NDFIP2: variants seen among roughly 807,000 people sequenced by gnomAD.
NDFIP2 encodes NEDD4 family-interacting protein 2.
Under a neutral mutation model 36.0 loss-of-function variants are expected in NDFIP2, and 19 were observed. The ratio of observed to expected loss-of-function variants is 0.53; its 90% CI spans 0.37 to 0.77. The LOEUF (loss-of-function observed/expected upper bound fraction) is 0.77, where lower values mean the gene tolerates loss of function less well. NDFIP2 is among the 30% of genes least tolerant of loss of function. NDFIP2 has a pLI of 0.00. For missense variants in NDFIP2, 446 were observed against 435.8 expected (o/e 1.02, Z -0.21); for synonymous variants, 181 against 167.7 (o/e 1.08, Z -0.61).
chr13:79,531,610 C>T (rs934092628), intron 2 of NDFIP2, among the ~76,000 whole-genome samples: 2 of 152,210 alleles, frequency 1.3e-5, no homozygotes, highest in African/African-American at 2.4e-5. Context: ...TCATGTTGCA[C>T]TTTTATGAAG....
chr13:79,529,065 C>T (rs1874908961), intron 2 of NDFIP2, among the ~76,000 whole-genome samples: 1 of 152,146 alleles, frequency 6.6e-6, no homozygotes, highest in Non-Finnish European at 1.5e-5. Context: ...CTTGAATACT[C>T]TTCTATTTTA....
chr13:79,535,431 A>G (rs1188242053), intron 3 of NDFIP2, among the ~76,000 whole-genome samples: 2 of 152,248 alleles, frequency 1.3e-5, no homozygotes, highest in East Asian at 1.9e-4. Flanking sequence ...CCTCATTGTC[A>G]TCATTTCCAG....
At chr13:79,537,163 A>G (rs532377530) in intron 3 of NDFIP2, among the ~76,000 whole-genome samples, 1 of 152,158 alleles carries the variant, frequency 6.6e-6, no homozygotes, top group South Asian at 2.1e-4. Flanking sequence ...GCTGGAATGC[A>G]GTAGTGCAAT....
intron 2 of NDFIP2, among the ~76,000 whole-genome samples, chr13:79,528,976 T>C (rs908821870): frequency 6.6e-6 from 1 of 152,226 alleles, no homozygotes. Flanking sequence ...GGTCACTTTT[T>C]GGCTAGTTTT....
At chr13:79,546,832 G>A (rs1023871152) in intron 5 of NDFIP2, among the ~76,000 whole-genome samples, 1 of 151,858 alleles carries the variant, frequency 6.6e-6, no homozygotes, top group African/African-American at 2.4e-5. Flanking sequence ...ATTCTTTTTT[G>A]TTCTTACAGC....
chr13:79,550,685 A>G (rs990174382), intron 6 of NDFIP2, among the ~76,000 whole-genome samples: 1 of 151,546 alleles, frequency 6.6e-6, no homozygotes, highest in African/African-American at 2.4e-5. Context: ...CATGGGTTCA[A>G]TGGGGTTTTT....
At chr13:79,490,894 A>G (rs1873200217) in intron 1 of NDFIP2, among the ~76,000 whole-genome samples, 1 of 152,206 alleles carries the variant, frequency 6.6e-6, no homozygotes, top group Non-Finnish European at 1.5e-5. Flanking sequence ...AGTAGAAGAG[A>G]ATATAATACT....
intron 2 of NDFIP2, among the ~76,000 whole-genome samples, chr13:79,527,515 G>T (rs1305436851): frequency 6.6e-6 from 1 of 152,182 alleles, no homozygotes; most frequent in African/African-American, 2.4e-5. Flanking sequence ...CAGACTGCAT[G>T]TGTATACAAT....
At chr13:79,482,834 A>G (rs1443190149) in intron 1 of NDFIP2, among the ~76,000 whole-genome samples, 1 of 152,212 alleles carries the variant, frequency 6.6e-6, no homozygotes, top group African/African-American at 2.4e-5. Context: ...TTTCTCAACA[A>G]CTTGGGAAAT....
chr13:79,524,272 C>T (rs182332928), intron 2 of NDFIP2, among the ~76,000 whole-genome samples: 169 of 152,266 alleles, frequency 1.1e-3, no homozygotes, highest in African/African-American at 4.0e-3. Flanking sequence ...GTGTGATTTT[C>T]CTGGCTTCTC....
intron 1 of NDFIP2, among the ~76,000 whole-genome samples, chr13:79,486,663 A>C (rs779823979): frequency 1.2e-4 from 18 of 152,120 alleles, no homozygotes; most frequent in African/African-American, 3.4e-4. Context: ...CTGTGGTCCA[A>C]CTCCTGGTTT....
intron 1 of NDFIP2, among the ~76,000 whole-genome samples, chr13:79,500,764 A>T (rs989888094): frequency 8.6e-5 from 13 of 152,020 alleles, no homozygotes; most frequent in African/African-American, 3.1e-4. Context: ...TTTCTTATAA[A>T]GCTAAACATA....
chr13:79,512,513 G>A (rs1874116415), intron 1 of NDFIP2, among the ~76,000 whole-genome samples: 1 of 152,048 alleles, frequency 6.6e-6, no homozygotes, highest in African/African-American at 2.4e-5. Context: ...ATTCAAATCT[G>A]TCTCCCCAGT....
intron 1 of NDFIP2, among the ~76,000 whole-genome samples, chr13:79,509,493 A>T (rs1041197651): frequency 2.0e-5 from 3 of 152,152 alleles, no homozygotes; most frequent in Non-Finnish European, 4.4e-5. Context: ...TATCAGACCT[A>T]CAGAGTCTGT....
At chr13:79,544,282 C>T (rs1452434737) in intron 5 of NDFIP2, among the ~76,000 whole-genome samples, 2 of 152,018 alleles carry the variant, frequency 1.3e-5, no homozygotes, top group Non-Finnish European at 2.9e-5. Context: ...TCTAACCTTC[C>T]TTATTTTCCT....
chr13:79,534,635 C>T (rs1472772528), intron 3 of NDFIP2, among the ~76,000 whole-genome samples: 3 of 151,918 alleles, frequency 2.0e-5, no homozygotes, highest in Admixed American at 6.6e-5. Context: ...TTGCTTCAGA[C>T]TTGAGAGATG....
chr13:79,481,181 A>G lies in NDFIP2; in HGVS notation c.-23A>G. On this transcript the variant is annotated 5_prime_UTR_variant, in exon 1 of 8. Transcript: ENST00000218652. Reference sequence around the variant, plus strand: ...CTTTTCCATCTCCTCCCACCCAGCTATACCCTCCCACTGGCGGCGCGGATG... The same window carrying G: ...CTTTTCCATCTCCTCCCACCCAGCTGTACCCTCCCACTGGCGGCGCGGATG... The G allele has an allele frequency of 2.0e-6, 3 of 1,492,084 alleles. No homozygotes were observed. Among genetic ancestry groups the G allele is most frequent in the South Asian group, 1.3e-5 (1 of 76,134 alleles). 92.4% of individuals were successfully genotyped at this position (1,492,084 alleles called of 1,614,324 possible).
intron 1 of NDFIP2, among the ~76,000 whole-genome samples, chr13:79,486,057 G>T (rs150505125): frequency 6.6e-6 from 1 of 152,004 alleles, no homozygotes; most frequent in Non-Finnish European, 1.5e-5. Context: ...CCACATGTAC[G>T]TATTCAACAC....
intron 5 of NDFIP2, among the ~76,000 whole-genome samples, chr13:79,544,294 T>C (rs1875571848): frequency 6.6e-6 from 1 of 152,194 alleles, no homozygotes; most frequent in South Asian, 2.1e-4. Flanking sequence ...TATTTTCCTG[T>C]TGTTCCCTGA....
Sources: allele counts gnomAD v4.1 joint callset (sites outside exome capture counted in the v4.1 genomes callset), GRCh38; gene constraint gnomAD v4.1.1; transcripts MANE v1.5; gene names NCBI Gene and HGNC (gene_info 2026-07-23, HGNC 2026-07-21).